CCDC178: variants seen among roughly 807,000 people sequenced by gnomAD.
CCDC178 encodes the protein coiled-coil domain-containing protein 178.
In CCDC178, 126 loss-of-function variants were observed where a neutral mutation model predicts 117.4. That is an observed-to-expected ratio of 1.07 (90% confidence interval 0.93 to 1.24). The LOEUF (loss-of-function observed/expected upper bound fraction) is 1.24, where lower values mean the gene tolerates loss of function less well. Among genes scored for constraint, CCDC178 ranks in the 50% most tolerant of loss-of-function variants. CCDC178 has a pLI of 0.00. For missense variants in CCDC178, 1,030 were observed against 986.9 expected (o/e 1.04, Z -0.59); for synonymous variants, 283 against 313.4 (o/e 0.90, Z 1.02).
At chr18:33,006,940 G>A (rs2144786390) in intron 21 of CCDC178, among the ~76,000 whole-genome samples, 1 of 152,156 alleles carries the variant, frequency 6.6e-6, no homozygotes, top group South Asian at 2.1e-4. Context: ...AACACAGCCT[G>A]GCTGACAACT....
chr18:33,071,559 T>C (rs2057108939), intron 21 of CCDC178, among the ~76,000 whole-genome samples: 1 of 152,106 alleles, frequency 6.6e-6, no homozygotes, highest in Non-Finnish European at 1.5e-5. Flanking sequence ...AACAGTGTTC[T>C]GTGATAGGAT....
intron 2 of CCDC178, among the ~76,000 whole-genome samples, chr18:33,428,566 T>C (rs1326913893): frequency 6.6e-6 from 1 of 151,518 alleles, no homozygotes; most frequent in Non-Finnish European, 1.5e-5. Flanking sequence ...ACCCCATCTC[T>C]ACTAAAAATA....
At chr18:33,149,589 A>G (rs1321154410) in intron 20 of CCDC178, among the ~76,000 whole-genome samples, 1 of 152,158 alleles carries the variant, frequency 6.6e-6, no homozygotes, top group Non-Finnish European at 1.5e-5. Context: ...CACAGTGAAA[A>G]TAGAGAGCCA....
At chr18:33,412,942 T>C (rs754518100) in intron 2 of CCDC178, among the ~76,000 whole-genome samples, 2 of 152,156 alleles carry the variant, frequency 1.3e-5, no homozygotes, top group Non-Finnish European at 2.9e-5. Context: ...AAATATCAAA[T>C]ATTTTGTCCT....
chr18:33,089,395 G>A (rs140593972), intron 21 of CCDC178, among the ~76,000 whole-genome samples: 1 of 152,014 alleles, frequency 6.6e-6, no homozygotes, highest in African/African-American at 2.4e-5. Flanking sequence ...TCTTACATTG[G>A]GAGAGATGAT....
At position 32,944,632 on chromosome 18, in the gene CCDC178, G is replaced by A. The variant is rs1278110702; in HGVS notation, c.2524-6541C>T. Among the ~76,000 whole-genome samples, 3 of 152,154 alleles carry A rather than the reference G, an allele frequency of 2.0e-5. No homozygotes were observed. The East Asian group carries it at 5.8e-4, about 29-fold the overall frequency. On this transcript the variant is annotated intron_variant, in intron 22 of 22. Transcript: ENST00000383096. ...CACCATCTTCATAACCAACTTTATA[G>A]CTATGTTGGGAAGTTTCCTGCTCAC...
rs138747572 is a variant in CCDC178, at chr18:33,107,798, T to C, written c.2239-14888A>G. 2.5e-4 allele frequency among the ~76,000 whole-genome samples: 38 copies of C among 151,878 alleles called. No homozygotes were observed. The East Asian group carries it at 7.2e-3, about 29-fold the overall frequency. On this transcript the variant is annotated intron_variant, in intron 20 of 22. Coordinates refer to ENST00000383096, the MANE Select transcript of CCDC178 (RefSeq NM_001105528.4). ...AGACTTTTAGAGAGTCCTAATTTGT[T>C]TTATGCATATTTTGCAAATTTGACT...
chr18:33,060,952 C>A (rs929122243), intron 21 of CCDC178, among the ~76,000 whole-genome samples: 4 of 152,082 alleles, frequency 2.6e-5, no homozygotes, highest in Non-Finnish European at 5.9e-5. Context: ...ACCCACATTT[C>A]CGCACACTCC....
chr18:33,083,140 T>G (rs563340535), intron 21 of CCDC178, among the ~76,000 whole-genome samples: 10 of 152,166 alleles, frequency 6.6e-5, no homozygotes, highest in Non-Finnish European at 1.5e-4. Context: ...AAAAGCTGTA[T>G]CAAGTAGATT....
intron 14 of CCDC178, among the ~76,000 whole-genome samples, chr18:33,251,368 T>C (rs922462080): frequency 9.2e-5 from 14 of 151,708 alleles, no homozygotes; most frequent in Non-Finnish European, 1.8e-4. Flanking sequence ...GAGGATAATA[T>C]GGTTATTAGG....
intron 12 of CCDC178, among the ~76,000 whole-genome samples, chr18:33,277,444 A>T (rs577760514): frequency 6.6e-6 from 1 of 152,286 alleles, no homozygotes; most frequent in South Asian, 2.1e-4. Flanking sequence ...AACAATTGGA[A>T]TAGTATCATC....
At chr18:32,978,071 T>C (rs1177788777) in intron 21 of CCDC178, among the ~76,000 whole-genome samples, 2 of 152,176 alleles carry the variant, frequency 1.3e-5, no homozygotes, top group African/African-American at 2.4e-5. Flanking sequence ...TCTGTTTTTA[T>C]TCAGTTGTCT....
chr18:33,280,495 A>G (rs1348847833), intron 12 of CCDC178, among the ~76,000 whole-genome samples: 3 of 151,636 alleles, frequency 2.0e-5, no homozygotes, highest in Admixed American at 6.6e-5. Context: ...ACACTTTTAC[A>G]CTGTTGGTGG....
intron 11 of CCDC178, among the ~76,000 whole-genome samples, chr18:33,322,962 G>A (rs2062533366): frequency 6.6e-6 from 1 of 150,856 alleles, no homozygotes; most frequent in Admixed American, 6.6e-5. Context: ...GTCAACAAAA[G>A]GAACTGAAGG....
chr18:33,014,930 A>C (rs535380494), intron 21 of CCDC178, among the ~76,000 whole-genome samples: 2 of 152,278 alleles, frequency 1.3e-5, no homozygotes, highest in East Asian at 3.9e-4. Context: ...TCTAGTTTTG[A>C]GCAACAATAA....
chr18:33,404,089 C>G (rs2063747785), intron 3 of CCDC178, among the ~76,000 whole-genome samples: 1 of 152,220 alleles, frequency 6.6e-6, no homozygotes. Flanking sequence ...CCCCTCTAGA[C>G]TTCTTGTTAA....
At chr18:33,421,959 A>G (rs1042525662) in intron 2 of CCDC178, among the ~76,000 whole-genome samples, 1 of 152,154 alleles carries the variant, frequency 6.6e-6, no homozygotes, top group African/African-American at 2.4e-5. Flanking sequence ...CAGAAACGAA[A>G]CAGAAGAAAT....
intron 11 of CCDC178, among the ~76,000 whole-genome samples, chr18:33,316,646 CT>C (rs1337676360): frequency 6.6e-6 from 1 of 152,122 alleles, no homozygotes; most frequent in African/African-American, 2.4e-5. Context: ...CTTAGAGAAC[CT>C]TTATGTCTAG....
rs2063592329 is a variant in CCDC178 at position 33,393,632 on chromosome 18, G to A, written c.118+3517C>T. ...GACTTTGTTTGCTCAATATATTTTT[G>A]AGATTCACCAATGCTACTCCATGTA... is the stretch of plus-strand genomic sequence containing the variant. On this transcript the variant is annotated intron_variant, in intron 4 of 22. Transcript: ENST00000383096. 2.0e-5 allele frequency among the ~76,000 whole-genome samples: 3 copies of A among 152,032 alleles called. No homozygotes were observed. The South Asian group carries it at 6.2e-4, about 32-fold the overall frequency.
Sources: allele counts gnomAD v4.1 joint callset (sites outside exome capture counted in the v4.1 genomes callset), GRCh38; gene constraint gnomAD v4.1.1; transcripts MANE v1.5; gene names NCBI Gene and HGNC (gene_info 2026-07-23, HGNC 2026-07-21).